The following ZMPSTE24 variants were observed in gnomAD, a reference collection of about 807,000 sequenced individuals.
The protein encoded by ZMPSTE24 is CAAX prenyl protease 1 homolog.
In ZMPSTE24, 48 loss-of-function variants were observed where a neutral mutation model predicts 56.7. The ratio of observed to expected loss-of-function variants is 0.85; its 90% CI spans 0.67 to 1.08. The LOEUF (loss-of-function observed/expected upper bound fraction) is 1.08, where lower values mean the gene tolerates loss of function less well. Ranked by LOEUF, ZMPSTE24 falls within the 50% of genes least tolerant of loss-of-function variation. ZMPSTE24 has a pLI of 0.00. For missense variants in ZMPSTE24, 503 were observed against 548.7 expected, an observed-to-expected ratio of 0.92 and a Z score of 0.83; for synonymous variants, 172 against 195.2, an observed-to-expected ratio of 0.88 and a Z score of 0.99.
At chr1:40,270,768 C>T (rs1182269152) in intron 5 of ZMPSTE24, among the ~76,000 whole-genome samples, 6 of 152,098 alleles carry the variant, frequency 3.9e-5, no homozygotes. Flanking sequence ...TCCTATTCCT[C>T]TTCTCTTTCC....
In ZMPSTE24 at chr1:40,269,980, G is replaced by A. The variant is rs148764034; in HGVS notation, c.480G>A (p.Leu160=). ...EEKHGFNQQT[L]GFFMKDAIKK... The stretch of plus-strand genomic sequence containing the variant: ...GTAATGTTTTCTTTTTGCAGACTTT[G>A]GGGTTCTTCATGAAAGATGCAATCA... The change falls in exon 5 of 10, where the codon TTG becomes TTA. Residue 160 remains leucine (L), a synonymous_variant. Coordinates refer to ENST00000372759, the MANE Select transcript of ZMPSTE24 (RefSeq NM_005857.5). 1.2e-6 allele frequency: 2 copies of A among 1,612,536 alleles called. No individual in the cohort carries two copies. Among genetic ancestry groups the A allele is most frequent in the African/African-American group, 2.7e-5 (2 of 74,970 alleles).
At chr1:40,260,470 C>CA (rs1643485849) in intron 1 of ZMPSTE24, among the ~76,000 whole-genome samples, 1 of 152,182 alleles carries the variant, frequency 6.6e-6, no homozygotes, top group Non-Finnish European at 1.5e-5. Flanking sequence ...TTCATACTCA[C>CA]AGTTAGCATG....
intron 9 of ZMPSTE24, among the ~76,000 whole-genome samples, chr1:40,291,894 G>T (rs1300125556): frequency 1.3e-5 from 2 of 149,774 alleles, no homozygotes; most frequent in South Asian, 4.2e-4. Flanking sequence ...AGGCTGGAGT[G>T]CAGGGGTGTC....
intron 6 of ZMPSTE24, among the ~76,000 whole-genome samples, chr1:40,277,964 CAA>C (rs35695915): frequency 6.2e-5 from 3 of 48,316 alleles, no homozygotes; most frequent in African/African-American, 8.1e-5. Context: ...GACTCCATCT[CAA>C]AAAAAAAAAA....
chr1:40,258,582 A>G (rs1643462644), intron 1 of ZMPSTE24, among the ~76,000 whole-genome samples, 188 bp downstream of exon 1: 1 of 152,044 alleles, frequency 6.6e-6, no homozygotes, highest in Admixed American at 6.6e-5. Context: ...GCGTCAAGGA[A>G]GTTTTCTGTA....
intron 6 of ZMPSTE24, among the ~76,000 whole-genome samples, chr1:40,280,885 C>T (rs550607031): frequency 1.2e-3 from 189 of 152,310 alleles, no homozygotes; most frequent in Non-Finnish European, 2.3e-3. Context: ...TATCAAACAG[C>T]AAATTTCAAC....
At position 40,260,846 on chromosome 1, in the gene ZMPSTE24, T is replaced by C. The variant is rs1643489509; in HGVS notation, c.131T>C (p.Ile44Thr). Reference sequence around the variant, plus strand: ...TTCTTTAAAATATTTCAGAGAAGGATATATAAAACAACAACTCATGTACCA... The same window carrying C: ...TTCTTTAAAATATTTCAGAGAAGGACATATAAAACAACAACTCATGTACCA... Reference protein sequence around the residue: ...ETFLAQRQRRIYKTTTHVPPE... With the variant: ...ETFLAQRQRRTYKTTTHVPPE... The change falls in exon 2 of 10, where the codon ATA (isoleucine) becomes ACA (threonine). Residue 44 changes from isoleucine (I) to threonine (T), a missense_variant. Transcript: ENST00000372759. The C allele has an allele frequency of 6.2e-7, 1 of 1,613,544 alleles. No individual in the cohort carries two copies. The highest frequency in any genetic ancestry group is 1.3e-5 in the African/African-American group (1 of 74,942).
chr1:40,270,854 T>TA (rs1386270398), intron 5 of ZMPSTE24, among the ~76,000 whole-genome samples: 2 of 152,174 alleles, frequency 1.3e-5, no homozygotes, highest in African/African-American at 4.8e-5. Context: ...CACAGTGGCT[T>TA]ATGCCTGTAA....
At chr1:40,275,249 G>A (rs1442394323) in intron 6 of ZMPSTE24, among the ~76,000 whole-genome samples, 135 of 109,618 alleles carry the variant, frequency 1.2e-3, no homozygotes, top group East Asian at 3.1e-3. Flanking sequence ...GTGAAACCCT[G>A]TCTCTACTAA....
In ZMPSTE24 at chr1:40,260,989, A is replaced by G; in HGVS notation, c.270+4A>G. ...CTATTCAGAGACTGAAGGCACTGTG[A>G]GTAATTTACTTCTTGGAGAGACAGT... On this transcript the variant is annotated splice_donor_region_variant and intron_variant, in intron 2 of 9. Coordinates refer to ENST00000372759, the MANE Select transcript of ZMPSTE24 (RefSeq NM_005857.5). 6.2e-7 allele frequency: 1 copy of G among 1,614,108 alleles called. No homozygotes were observed. Among genetic ancestry groups the G allele is most frequent in the Non-Finnish European group, 8.5e-7 (1 of 1,179,992 alleles).
chr1:40,259,438 G>A (rs1643473241), intron 1 of ZMPSTE24: 1 of 152,122 alleles, frequency 6.6e-6, no homozygotes, highest in Non-Finnish European at 1.5e-5. Flanking sequence ...GTCTGCAAGG[G>A]GAAGAGTGTG....
At chr1:40,263,567 G>A (rs1365463800) in intron 2 of ZMPSTE24, among the ~76,000 whole-genome samples, 1 of 152,058 alleles carries the variant, frequency 6.6e-6, no homozygotes, top group African/African-American at 2.4e-5. Context: ...TTATCTCTGG[G>A]GATTTTCTGG....
At chr1:40,267,332 G>GTTATTTTATTTTATTTTATTTTATT (rs71060361) in intron 2 of ZMPSTE24, among the ~76,000 whole-genome samples, 11 of 137,418 alleles carry the variant, frequency 8.0e-5, no homozygotes, top group South Asian at 4.6e-4. Context: ...ATTTTATTTT[G>GTTATTTTATTTTATTTTATTTTATT]TTATTTTATT....
Position 40,269,983 on chromosome 1 carries a change from G to T in ZMPSTE24, c.483G>T (p.Gly161=). The change falls in exon 5 of 10, where the codon GGG becomes GGT. Residue 161 remains glycine (G), a synonymous_variant. Coordinates refer to ENST00000372759, the MANE Select transcript of ZMPSTE24 (RefSeq NM_005857.5). ...ATGTTTTCTTTTTGCAGACTTTGGG[G>T]TTCTTCATGAAAGATGCAATCAAGA... ...EKHGFNQQTL[G]FFMKDAIKKF... 4 of 1,612,912 alleles carry T rather than the reference G, an allele frequency of 2.5e-6. No homozygotes were observed. The highest frequency in any genetic ancestry group is 2.2e-5 in the East Asian group (1 of 44,810).
chr1:40,276,718 G>T (rs556267700), intron 6 of ZMPSTE24, among the ~76,000 whole-genome samples: 26 of 152,268 alleles, frequency 1.7e-4, no homozygotes, highest in African/African-American at 6.0e-4. Context: ...TCGTTGTCAT[G>T]CAAACACCAT....
At position 40,292,728 on chromosome 1, in the gene ZMPSTE24, C is replaced by A. The variant is rs193076795; in HGVS notation, c.*59C>A. The A allele has an allele frequency of 1.1e-3, 1,750 of 1,535,116 alleles. 18 individuals carry two copies. The African/African-American group carries it at 0.017, about 15-fold the overall frequency. Reference sequence around the variant, plus strand: ...ATTATTTCTGTCCTGGCAGCATGTTCCAGCTCTTGATGTTTTTAAACTTTT... The same window carrying A: ...ATTATTTCTGTCCTGGCAGCATGTTACAGCTCTTGATGTTTTTAAACTTTT... On this transcript the variant is annotated 3_prime_UTR_variant, in exon 10 of 10. Coordinates refer to ENST00000372759, the MANE Select transcript of ZMPSTE24 (RefSeq NM_005857.5).
intron 2 of ZMPSTE24, among the ~76,000 whole-genome samples, chr1:40,261,274 C>G (rs1285352725): frequency 6.6e-6 from 1 of 152,182 alleles, no homozygotes; most frequent in Non-Finnish European, 1.5e-5. Context: ...AACTCCCTGC[C>G]TGACGAATGT....
At chr1:40,258,430 C>T in intron 1 of ZMPSTE24, 36 bp downstream of exon 1, 1 of 1,613,524 alleles carries the variant, frequency 6.2e-7, no homozygotes, top group South Asian at 1.1e-5. Context: ...ACCCCCATAC[C>T]CGGCCAGCCC....
chr1:40,260,761 A>G, intron 1 of ZMPSTE24, 78 bp from the exon 2 acceptor site: 1 of 1,483,764 alleles, frequency 6.7e-7, no homozygotes, highest in Non-Finnish European at 9.3e-7. Flanking sequence ...CAAGCTATAA[A>G]CCATTCGATG....
Sources: gnomAD v4.1 joint callset for allele counts (sites outside exome capture counted in the v4.1 genomes callset) on GRCh38, gnomAD v4.1.1 for gene constraint, MANE v1.5 for transcripts, NCBI Gene and HGNC (gene_info 2026-07-23, HGNC 2026-07-21) for gene names.